The following KANK1 variants were observed in gnomAD, a reference collection of about 807,000 sequenced individuals.
KANK1 encodes KN motif and ankyrin repeat domains 1.
Under a neutral mutation model 106.2 loss-of-function variants are expected in KANK1, and 109 were observed. The observed-to-expected ratio is 1.03, with a 90% CI of 0.88 to 1.20. The LOEUF is 1.20. KANK1 is among the 50% of genes most tolerant of loss of function. The pLI, the probability that KANK1 is intolerant of heterozygous loss-of-function variation, is 0.00. For synonymous variants in KANK1, 873 were observed against 652.2 expected (o/e 1.34, Z -5.16); for missense variants, 2,399 against 1,710.7 (o/e 1.40, Z -7.10).
intron 1 of KANK1, 116 bp from the exon 2 acceptor site, chr9:676,774 C>T (rs1816498145): frequency 3.9e-6 from 2 of 514,964 alleles, no homozygotes; most frequent in Admixed American, 3.6e-5. Context: ...AGTCTTTCTC[C>T]CCCCATTCCG....
chr9:678,765 G>C (rs1291276884), intron 2 of KANK1, among the ~76,000 whole-genome samples: 1 of 152,092 alleles, frequency 6.6e-6, no homozygotes, highest in Non-Finnish European at 1.5e-5. Context: ...ACTTTCTCCA[G>C]TAAAATATTT....
At chr9:710,400 C>T (rs1470070592) in intron 2 of KANK1, among the ~76,000 whole-genome samples, 1 of 151,900 alleles carries the variant, frequency 6.6e-6, no homozygotes, top group African/African-American at 2.4e-5. Flanking sequence ...GGTGGATCAC[C>T]TAAGGTCAGG....
intron 1 of KANK1, among the ~76,000 whole-genome samples, chr9:645,353 T>C (rs891943526): frequency 6.9e-6 from 1 of 145,288 alleles, no homozygotes; most frequent in African/African-American, 2.7e-5. Flanking sequence ...GGCAGGAGAA[T>C]TGCTTGAACC....
chr9:624,083 A>T (rs570031025), intron 1 of KANK1, among the ~76,000 whole-genome samples: 1 of 152,340 alleles, frequency 6.6e-6, no homozygotes, highest in East Asian at 1.9e-4. Context: ...TTGCAACAAC[A>T]TGGATGAACC....
At chr9:486,870 A>C (rs1203665128) in intron 3 of KANK1, among the ~76,000 whole-genome samples, 1 of 152,228 alleles carries the variant, frequency 6.6e-6, no homozygotes, top group African/African-American at 2.4e-5. Context: ...TTCTAAACAC[A>C]GTAAAAGTAA....
intron 1 of KANK1, among the ~76,000 whole-genome samples, chr9:591,556 A>C (rs908472566): frequency 2.0e-5 from 3 of 151,844 alleles, no homozygotes; most frequent in Non-Finnish European, 2.9e-5. Context: ...TCCAGGGAAT[A>C]TGCCAACCTC....
At chr9:616,833 A>T (rs939917903) in intron 1 of KANK1, among the ~76,000 whole-genome samples, 1 of 152,226 alleles carries the variant, frequency 6.6e-6, no homozygotes, top group African/African-American at 2.4e-5. Flanking sequence ...AAGCAAGGCA[A>T]AGTTCCACAC....
At chr9:483,942 C>A (rs554923421) in intron 3 of KANK1, among the ~76,000 whole-genome samples, 2 of 152,030 alleles carry the variant, frequency 1.3e-5, no homozygotes, top group Non-Finnish European at 2.9e-5. Context: ...GAGAAGATAC[C>A]CCATAAAAGG....
chr9:560,352 T>C (rs1341224152), intron 1 of KANK1, among the ~76,000 whole-genome samples: 1 of 152,224 alleles, frequency 6.6e-6, no homozygotes, highest in Non-Finnish European at 1.5e-5. Context: ...TGCAGGTTGA[T>C]TAACTGTTGA....
At chr9:620,344 C>T (rs1374926206) in intron 1 of KANK1, among the ~76,000 whole-genome samples, 1 of 152,070 alleles carries the variant, frequency 6.6e-6, no homozygotes, top group Non-Finnish European at 1.5e-5. Context: ...AACCTGCTTT[C>T]TTGGGCCATA....
intron 2 of KANK1, among the ~76,000 whole-genome samples, chr9:678,611 C>G (rs1035684151): frequency 1.3e-5 from 2 of 152,030 alleles, no homozygotes; most frequent in African/African-American, 4.8e-5. Context: ...GCCTGTAATC[C>G]CAGCTACTTA....
intron 1 of KANK1, among the ~76,000 whole-genome samples, chr9:641,088 T>C (rs920977013): frequency 3.9e-5 from 6 of 152,198 alleles, no homozygotes; most frequent in Non-Finnish European, 4.4e-5. Context: ...AAGAGCCATG[T>C]TGATAGCCCA....
At chr9:619,529 TTCA>T (rs1283031461) in intron 1 of KANK1, among the ~76,000 whole-genome samples, 1 of 152,156 alleles carries the variant, frequency 6.6e-6, no homozygotes, top group Non-Finnish European at 1.5e-5. Flanking sequence ...AATAGCTGAA[TTCA>T]TCATTCTTTT....
chr9:580,319 G>A (rs2804275), intron 1 of KANK1, among the ~76,000 whole-genome samples: 112,058 of 152,044 alleles, frequency 0.74, 41,737 homozygotes, highest in Non-Finnish European at 0.78. Flanking sequence ...GCGCGGACCC[G>A]AAGAGTGAGC....
chr9:616,417 A>G (rs1277989811), intron 1 of KANK1, among the ~76,000 whole-genome samples: 1 of 152,194 alleles, frequency 6.6e-6, no homozygotes, highest in Non-Finnish European at 1.5e-5. Context: ...GCATAGCCAG[A>G]TCTTTAATTT....
intron 1 of KANK1, among the ~76,000 whole-genome samples, chr9:594,824 G>C (rs778385793): frequency 2.6e-5 from 4 of 151,784 alleles, no homozygotes; most frequent in Non-Finnish European, 5.9e-5. Context: ...AATCTGGAGA[G>C]TTCAGATTCC....
At position 734,966 on chromosome 9, in the gene KANK1, G is replaced by A. The variant is rs865789580; in HGVS notation, c.3333+131G>A. ...CTCCTGAACTGTTTCCAGCATGAGTGGGCTGGGTAAACATCATGTGGTCTT... is the reference window on the plus strand; with the variant it reads ...CTCCTGAACTGTTTCCAGCATGAGTAGGCTGGGTAAACATCATGTGGTCTT... On this transcript the variant is annotated intron_variant, in intron 7 of 11. Coordinates refer to ENST00000382297, the MANE Select transcript of KANK1 (RefSeq NM_015158.5). 5.9e-6 allele frequency: 4 copies of A among 673,252 alleles called. No individual in the cohort carries two copies. The Middle Eastern group carries it at 7.4e-4, about 125-fold the overall frequency. The allele number at this position is 673,252 out of a possible 1,614,324, so 41.7% of individuals were successfully genotyped here.
chr9:634,274 G>A (rs1836523286), intron 1 of KANK1, among the ~76,000 whole-genome samples: 1 of 152,114 alleles, frequency 6.6e-6, no homozygotes, highest in Admixed American at 6.5e-5. Context: ...GGTTGAGGAT[G>A]AAATCATAGG....
intron 2 of KANK1, among the ~76,000 whole-genome samples, chr9:679,322 C>G (rs1817040159): frequency 6.6e-6 from 1 of 151,832 alleles, no homozygotes; most frequent in Non-Finnish European, 1.5e-5. Context: ...GTGTATGTGT[C>G]TGTATATGTA....
Sources: allele counts gnomAD v4.1 joint callset (sites outside exome capture counted in the v4.1 genomes callset), GRCh38; gene constraint gnomAD v4.1.1; transcripts MANE v1.5; gene names NCBI Gene and HGNC (gene_info 2026-07-23, HGNC 2026-07-21).